PCDHA4: variants seen among roughly 807,000 people sequenced by gnomAD.
PCDHA4 encodes protocadherin alpha 4, also known as protocadherin alpha-4.
Under a neutral mutation model 61.4 loss-of-function variants are expected in PCDHA4, and 49 were observed. The observed-to-expected ratio is 0.80, with a 90% CI of 0.63 to 1.01. The LOEUF (loss-of-function observed/expected upper bound fraction) is 1.01. PCDHA4 is among the 50% of genes least tolerant of loss of function. PCDHA4 has a pLI of 0.00. For missense variants in PCDHA4, 1,254 were observed against 1,235.8 expected (o/e 1.01, Z -0.22); for synonymous variants, 590 against 550.3 (o/e 1.07, Z -1.01).
At chr5:140,936,433 G>A (rs907839925) in intron 1 of PCDHA4, among the ~76,000 whole-genome samples, 4 of 152,126 alleles carry the variant, frequency 2.6e-5, no homozygotes, top group Admixed American at 2.6e-4. Flanking sequence ...ATTAATTTAA[G>A]CTTAAATAAC....
intron 1 of PCDHA4, among the ~76,000 whole-genome samples, chr5:140,940,131 G>A (rs1443086111): frequency 7.2e-5 from 11 of 152,092 alleles, no homozygotes; most frequent in African/African-American, 2.4e-4. Context: ...ATTTCTGCTA[G>A]TGATAAACTA....
At chr5:140,815,238 G>A (rs1765681734) in intron 1 of PCDHA4, 1 of 151,936 alleles carries the variant, frequency 6.6e-6, no homozygotes, top group African/African-American at 2.4e-5. Flanking sequence ...GTTAATTGTT[G>A]TTTGCAGCTT....
intron 1 of PCDHA4, chr5:140,857,885 G>A: frequency 6.3e-7 from 1 of 1,597,988 alleles, no homozygotes; most frequent in Non-Finnish European, 8.6e-7. Context: ...ATTGCAGTCG[G>A]CGGCGGTTGG....
chr5:140,952,857 G>T (rs2094808262), intron 1 of PCDHA4, among the ~76,000 whole-genome samples: 1 of 152,120 alleles, frequency 6.6e-6, no homozygotes, highest in Non-Finnish European at 1.5e-5. Context: ...TTCTGGGGAG[G>T]CCTCAGGAAA....
At chr5:140,983,034 C>T (rs923296416) in intron 3 of PCDHA4, among the ~76,000 whole-genome samples, 1 of 151,944 alleles carries the variant, frequency 6.6e-6, no homozygotes, top group Non-Finnish European at 1.5e-5. Context: ...GATGGTTTCT[C>T]ATGGAAGTGG....
chr5:140,978,829 T>A (rs2096825254), intron 1 of PCDHA4, 120 bp from the exon 2 acceptor site: 2 of 1,533,852 alleles, frequency 1.3e-6, no homozygotes, highest in Admixed American at 2.0e-5. Flanking sequence ...ATGAAATGGC[T>A]CATTCAATAC....
chr5:140,836,495 C>A (rs1318424263), intron 1 of PCDHA4: 4 of 1,613,766 alleles, frequency 2.5e-6, no homozygotes, highest in South Asian at 2.2e-5. Context: ...TCATCGCCAT[C>A]TGCGCGGTGT....
At chr5:140,853,171 G>T (rs2150529478) in intron 1 of PCDHA4, 1 of 965,252 alleles carries the variant, frequency 1.0e-6, no homozygotes, top group Non-Finnish European at 1.3e-6. Flanking sequence ...GAGCCACCGC[G>T]CCTGGCCTAA....
intron 1 of PCDHA4, chr5:140,868,490 A>G (rs1383994336): frequency 6.6e-6 from 1 of 152,330 alleles, no homozygotes; most frequent in African/African-American, 2.4e-5. Flanking sequence ...TTTTTCTTTG[A>G]GTTCCCTAGC....
chr5:140,874,005 C>T (rs887497526), intron 1 of PCDHA4, among the ~76,000 whole-genome samples: 1 of 152,100 alleles, frequency 6.6e-6, no homozygotes, highest in South Asian at 2.1e-4. Context: ...GTACATTGAC[C>T]ACTTTTGAAA....
rs1292142612 is a variant in PCDHA4, at chr5:140,808,154, A to G, written c.967A>G (p.Ile323Val). Reference sequence around the variant, plus strand: ...ATCCTATGAAATTATTGTAGAGGGCATTGATAAGGGACAGCTCCCACTTTC... The same window carrying G: ...ATCCTATGAAATTATTGTAGAGGGCGTTGATAAGGGACAGCTCCCACTTTC... ...SKSYEIIVEG[I>V]DKGQLPLSGH... Residue 323 changes from isoleucine to valine, a missense_variant, in exon 1 of 4, where the codon ATT (isoleucine) becomes GTT (valine). Coordinates refer to ENST00000530339, the MANE Select transcript of PCDHA4 (RefSeq NM_018907.4). 9 of 1,614,102 alleles carry G rather than the reference A, an allele frequency of 5.6e-6. No individual in the cohort carries two copies. In the Admixed American group the frequency reaches 1.5e-4, roughly 27 times the overall value.
At chr5:140,832,847 C>T (rs1022397491) in intron 1 of PCDHA4, among the ~76,000 whole-genome samples, 2 of 151,966 alleles carry the variant, frequency 1.3e-5, no homozygotes, top group African/African-American at 4.8e-5. Flanking sequence ...TGAAGGAGAC[C>T]GTGAAGAGTC....
At chr5:140,962,280 A>C (rs1244354033) in intron 1 of PCDHA4, among the ~76,000 whole-genome samples, 1 of 152,224 alleles carries the variant, frequency 6.6e-6, no homozygotes, top group Non-Finnish European at 1.5e-5. Flanking sequence ...AAAAAACCTC[A>C]ACCTTTAATA....
Position 140,832,211 on chromosome 5 carries a change from A to G in PCDHA4, c.2385+22639A>G, listed in dbSNP as rs143111478. 2.9e-3 allele frequency among the ~76,000 whole-genome samples: 436 copies of G among 152,312 alleles called. 3 individuals are homozygous for G. Among genetic ancestry groups the G allele is most frequent in the Middle Eastern group, 0.014 (4 of 294 alleles). Reference sequence around the variant, plus strand: ...CATTTAACCTGCTGAGTCCTCAGTGATTTCCTGGAGTTGGTTTTGACTTTT... The same window carrying G: ...CATTTAACCTGCTGAGTCCTCAGTGGTTTCCTGGAGTTGGTTTTGACTTTT... On this transcript the variant is annotated intron_variant, in intron 1 of 3. Coordinates refer to ENST00000530339, the MANE Select transcript of PCDHA4 (RefSeq NM_018907.4).
intron 1 of PCDHA4, chr5:140,876,818 A>G: frequency 6.2e-7 from 1 of 1,614,158 alleles, no homozygotes; most frequent in Non-Finnish European, 8.5e-7. Flanking sequence ...GCCGACGTGA[A>G]CGACAATGCG....
At chr5:140,876,459 C>T (rs2056359218) in intron 1 of PCDHA4, 1 of 1,613,878 alleles carries the variant, frequency 6.2e-7, no homozygotes, top group Non-Finnish European at 8.5e-7. Flanking sequence ...GGATTCCTTC[C>T]ATGGCAGGTC....
intron 1 of PCDHA4, chr5:140,828,866 A>T (rs1769994516): frequency 6.2e-7 from 1 of 1,614,126 alleles, no homozygotes; most frequent in Admixed American, 1.7e-5. Context: ...AGACAACGGA[A>T]CAACAGTTAT....
rs1351145867 is a variant in PCDHA4, at chr5:141,012,314, G to T, written c.*2377G>T. On this transcript the variant is annotated 3_prime_UTR_variant, in exon 4 of 4. Coordinates refer to ENST00000530339, the MANE Select transcript of PCDHA4 (RefSeq NM_018907.4). ...AATTGGTGCTATTGGTATTTCCTCTGTTATTGCTAATAAATGAAAATGGTG... is the reference window on the plus strand; with the variant it reads ...AATTGGTGCTATTGGTATTTCCTCTTTTATTGCTAATAAATGAAAATGGTG... The T allele has an allele frequency of 6.5e-6, 1 of 153,728 alleles. No individual in the cohort carries two copies. The highest frequency in any genetic ancestry group is 2.4e-5 in the African/African-American group (1 of 41,440). 9.5% of individuals were successfully genotyped at this position (153,728 alleles called of 1,614,324 possible). A position where few individuals can be genotyped will look rare whatever the true frequency, so the allele number is the denominator to read the frequency against.
Position 140,809,439 on chromosome 5 carries a change from C to T in PCDHA4, c.2252C>T (p.Ser751Leu), listed in dbSNP as rs1187355294. Residue 751 changes from serine to leucine, a missense_variant, in exon 1 of 4, where the codon TCG (serine) becomes TTG (leucine). Ser to Leu is a moderately radical substitution (Grantham distance 145, BLOSUM62 -2). Transcript: ENST00000530339. ...AGTGCGGTGGGGAGCTGGTCATACT[C>T]GCAGCAGAGGAGGCCGAGGGTGTGC... ...CSSAVGSWSY[S>L]QQRRPRVCSG... The T allele has an allele frequency of 1.9e-6, 3 of 1,614,202 alleles. No individual in the cohort carries two copies. Among genetic ancestry groups the T allele is most frequent in the Non-Finnish European group, 1.7e-6 (2 of 1,180,018 alleles).
Sources: gnomAD v4.1 joint callset for allele counts (sites outside exome capture counted in the v4.1 genomes callset) on GRCh38, gnomAD v4.1.1 for gene constraint, MANE v1.5 for transcripts, NCBI Gene and HGNC (gene_info 2026-07-23, HGNC 2026-07-21) for gene names.